The following KIAA1549 variants were observed in gnomAD, a reference collection of about 807,000 sequenced individuals.
The protein encoded by KIAA1549 is UPF0606 protein KIAA1549.
A neutral mutation model predicts 156.4 loss-of-function variants in KIAA1549; 70 were observed. The ratio of observed to expected loss-of-function variants is 0.45; its 90% CI spans 0.37 to 0.55. KIAA1549 has a LOEUF of 0.55. Among genes scored for constraint, KIAA1549 ranks in the 20% least tolerant of loss-of-function variants. The pLI, the probability that KIAA1549 is intolerant of heterozygous loss-of-function variation, is 0.00. For missense variants in KIAA1549, 2,428 were observed against 2,540.9 expected (o/e 0.96, Z 0.96); for synonymous variants, 1,103 against 1,066.4 (o/e 1.03, Z -0.67).
At chr7:138,868,905 A>T (rs1810834222) in intron 14 of KIAA1549, among the ~76,000 whole-genome samples, 2 of 152,162 alleles carry the variant, frequency 1.3e-5, no homozygotes, top group African/African-American at 4.8e-5. Flanking sequence ...GTGGAGGGGC[A>T]GGGCCGGCCT....
intron 1 of KIAA1549, among the ~76,000 whole-genome samples, chr7:138,962,487 T>C (rs1386992875): frequency 6.6e-6 from 1 of 152,152 alleles, no homozygotes; most frequent in Non-Finnish European, 1.5e-5. Context: ...GAGCTCCAGA[T>C]CTTAAGAGGG....
chr7:138,909,268 TTTTCTCACGGAAATGTAAAAG>T, intron 4 of KIAA1549, 147 bp from the exon 5 acceptor site: 1 of 810,306 alleles, frequency 1.2e-6, no homozygotes, highest in Non-Finnish European at 1.9e-6. Flanking sequence ...TTTCTACGTA[TTTTCTCACGGAAATGTAAAAG>T]GTAACTTTGC....
intron 12 of KIAA1549, among the ~76,000 whole-genome samples, chr7:138,878,951 G>C (rs930242495): frequency 2.0e-5 from 3 of 152,052 alleles, no homozygotes; most frequent in Non-Finnish European, 4.4e-5. Flanking sequence ...CAAGTCTAAA[G>C]ACTTGTGGGT....
At chr7:138,969,220 C>T (rs1049001251) in intron 1 of KIAA1549, among the ~76,000 whole-genome samples, 2 of 152,186 alleles carry the variant, frequency 1.3e-5, no homozygotes, top group Non-Finnish European at 2.9e-5. Context: ...CATTGTCGTG[C>T]AACTGATAGT....
At chr7:138,960,302 GATTT>G (rs1475349128) in intron 1 of KIAA1549, among the ~76,000 whole-genome samples, 20 of 91,124 alleles carry the variant, frequency 2.2e-4, no homozygotes, top group South Asian at 6.3e-4. Context: ...TTGATTTATT[GATTT>G]ATTTATTTAT....
Position 138,981,291 on chromosome 7 carries a change from G to A in KIAA1549, c.-22C>T. The stretch of plus-strand genomic sequence containing the variant: ...GCATTCCCGGCCGGCGCCCCGGCCC[G>A]GCCTCGCGGCTCAGCGGCTCTCGGG... On this transcript the variant is annotated 5_prime_UTR_variant, in exon 1 of 20. Coordinates refer to ENST00000422774, the MANE Select transcript of KIAA1549 (RefSeq NM_001164665.2). This position sits in a 1 kb window ranked among gnomAD's most constrained non-coding sequence, Gnocchi z 4.5. 1 of 960,750 alleles carries A rather than the reference G, an allele frequency of 1.0e-6. No homozygotes were observed. The highest frequency in any genetic ancestry group is 1.2e-6 in the Non-Finnish European group (1 of 810,888). 59.5% of individuals were successfully genotyped at this position (960,750 alleles called of 1,614,324 possible).
chr7:138,891,749 G>A (rs1811553603), intron 10 of KIAA1549, among the ~76,000 whole-genome samples: 1 of 152,154 alleles, frequency 6.6e-6, no homozygotes, highest in Non-Finnish European at 1.5e-5. Flanking sequence ...GGTGGGGAGA[G>A]CAGAACGGAG....
At chr7:138,965,708 C>G (rs1814002715) in intron 1 of KIAA1549, among the ~76,000 whole-genome samples, 1 of 152,208 alleles carries the variant, frequency 6.6e-6, no homozygotes, top group Non-Finnish European at 1.5e-5. Context: ...GTGTATGCGC[C>G]TGTACATGTG....
At chr7:138,860,892 CA>C (rs921822715) in intron 16 of KIAA1549, among the ~76,000 whole-genome samples, 1 of 152,212 alleles carries the variant, frequency 6.6e-6, no homozygotes, top group African/African-American at 2.4e-5. Flanking sequence ...CTCCACAAAG[CA>C]AAAGTCCTCC....
intron 10 of KIAA1549, among the ~76,000 whole-genome samples, chr7:138,888,298 G>A (rs1811454931): frequency 6.6e-6 from 1 of 152,162 alleles, no homozygotes; most frequent in Non-Finnish European, 1.5e-5. Flanking sequence ...AACAAATAAG[G>A]GAGAGCTGAG....
rs372041177 is a variant in KIAA1549, at chr7:138,837,481, AC to A, written c.*424del. ...TAAGCTGTTAATAAAATGTCTTCAA[AC>A]CTCTTCTCAGAAAACAAAGCAGCAG... On this transcript the variant is annotated 3_prime_UTR_variant, in exon 20 of 20. Coordinates refer to ENST00000422774, the MANE Select transcript of KIAA1549 (RefSeq NM_001164665.2). 138 of 273,582 alleles carry A rather than the reference AC, an allele frequency of 5.0e-4. No individual in the cohort carries two copies. Among genetic ancestry groups the A allele is most frequent in the African/African-American group, 2.7e-3 (124 of 46,618 alleles). The allele number at this position is 273,582 out of a possible 1,614,324, so 16.9% of individuals were successfully genotyped here.
intron 8 of KIAA1549, among the ~76,000 whole-genome samples, chr7:138,903,222 T>C (rs567491158): frequency 6.6e-6 from 1 of 152,184 alleles, no homozygotes; most frequent in African/African-American, 2.4e-5. Context: ...ATCGCTATGA[T>C]GCTATCAATA....
chr7:138,920,233 A>G (rs1186266820), intron 1 of KIAA1549, among the ~76,000 whole-genome samples: 1 of 152,126 alleles, frequency 6.6e-6, no homozygotes, highest in African/African-American at 2.4e-5. Context: ...CCAGCTCTCT[A>G]TATGGATGGC....
At chr7:138,932,409 A>G (rs1233153986) in intron 1 of KIAA1549, among the ~76,000 whole-genome samples, 1 of 152,020 alleles carries the variant, frequency 6.6e-6, no homozygotes, top group African/African-American at 2.4e-5. Flanking sequence ...GAAAAAAAAA[A>G]TATTTTTAAA....
In KIAA1549 at chr7:138,881,489, T is replaced by A; in HGVS notation, c.4128A>T (p.Pro1376=). 1.2e-6 allele frequency: 2 copies of A among 1,614,050 alleles called. No homozygotes were observed. Among genetic ancestry groups the A allele is most frequent in the Non-Finnish European group, 1.7e-6 (2 of 1,179,896 alleles). The part of the protein sequence containing the change: ...DDILIIHEPA[P]LPGPLKDHTT... ...TGTGGTCCTTCAGAGGTCCTGGCAG[T>A]GGCGCTGGCTCATGAATAATCAATA... The change falls in exon 11 of 20, where the codon CCA becomes CCT. Residue 1376 remains proline (P), a synonymous_variant. Transcript: ENST00000422774.
In KIAA1549 at chr7:138,836,197, C is replaced by A; in HGVS notation, c.*1709G>T. The A allele has an allele frequency of 4.8e-6, 1 of 206,510 alleles. No individual in the cohort carries two copies. Among genetic ancestry groups the A allele is most frequent in the Non-Finnish European group, 9.9e-6 (1 of 101,246 alleles). The allele number at this position is 206,510 out of a possible 1,614,324, so 12.8% of individuals were successfully genotyped here. On this transcript the variant is annotated 3_prime_UTR_variant, in exon 20 of 20. Transcript: ENST00000422774. ...CATGCACACATCAGGATGTTTTGGT[C>A]AATGACGGTCTACATATTGATGGTA...
At chr7:138,971,659 C>T (rs1469745646) in intron 1 of KIAA1549, among the ~76,000 whole-genome samples, 1 of 152,028 alleles carries the variant, frequency 6.6e-6, no homozygotes, top group African/African-American at 2.4e-5. Flanking sequence ...CAAAACCCAC[C>T]CCCTAGGGTT....
chr7:138,864,275 T>C (rs1810671740), intron 15 of KIAA1549, among the ~76,000 whole-genome samples: 1 of 152,178 alleles, frequency 6.6e-6, no homozygotes, highest in African/African-American at 2.4e-5. Flanking sequence ...CTATAACCAC[T>C]GCCAATCTCA....
intron 8 of KIAA1549, among the ~76,000 whole-genome samples, chr7:138,900,414 C>G (rs1811808384): frequency 6.6e-6 from 1 of 152,218 alleles, no homozygotes; most frequent in East Asian, 1.9e-4. Flanking sequence ...TTATATCCAT[C>G]TGTCTCTCTA....
Sources: gnomAD v4.1 joint callset for allele counts (sites outside exome capture counted in the v4.1 genomes callset) on GRCh38, gnomAD v4.1.1 for gene constraint, Gnocchi (gnomAD v3.1) non-coding constraint, MANE v1.5 for transcripts, NCBI Gene and HGNC (gene_info 2026-07-23, HGNC 2026-07-21) for gene names.